The following OXNAD1 variants were observed in gnomAD, a reference collection of about 807,000 sequenced individuals.
The protein encoded by OXNAD1 is oxidoreductase NAD binding domain containing 1.
OXNAD1 carries 34 observed loss-of-function variants against 32.9 expected under a neutral mutation model. The ratio of observed to expected loss-of-function variants is 1.03; its 90% confidence interval spans 0.79 to 1.38. OXNAD1 has a LOEUF of 1.38. Among genes scored for constraint, OXNAD1 ranks in the 40% most tolerant of loss-of-function variants. The pLI is 0.00. For synonymous variants in OXNAD1, 134 were observed against 135.2 expected (o/e 0.99, Z 0.06); for missense variants, 407 against 379.4 (o/e 1.07, Z -0.60).
At chr3:16,351,872 G>T (rs2072127446), downstream of OXNAD1, among the ~76,000 whole-genome samples, 1 of 151,396 alleles carries the variant, frequency 6.6e-6, no homozygotes, top group Non-Finnish European at 1.5e-5. The surrounding 1 kb of genome is among the most constrained non-coding windows in gnomAD (Gnocchi z 5.4). Flanking sequence ...GAGGGGACTA[G>T]AAAGACTAGA....
rs1056504743 is a variant in OXNAD1 at position 16,327,799 on chromosome 3, G to A, written c.*31-9313G>A. ...AAAACGAAAAAAACTTCAGCCCCCT[G>A]CTAGCACAGGGAGAGAGCCCTGATG... On this transcript the variant is annotated intron_variant, in intron 9 of 9. Coordinates refer to the OXNAD1 transcript ENST00000435829. The surrounding 1 kb of genome is among the most constrained non-coding windows in gnomAD (Gnocchi z 4.2). Among the ~76,000 whole-genome samples, 2 of 150,628 alleles carry A rather than the reference G, an allele frequency of 1.3e-5. No individual in the cohort carries two copies. Among genetic ancestry groups the A allele is most frequent in the African/African-American group, 4.9e-5 (2 of 41,040 alleles).
At chr3:16,325,958 A>T (rs1310669862) in intron 9 of OXNAD1, among the ~76,000 whole-genome samples, 1 of 152,236 alleles carries the variant, frequency 6.6e-6, no homozygotes, top group Non-Finnish European at 1.5e-5. Context: ...GGCCTGCTCC[A>T]GGAAAAGTGC....
Position 16,342,797 on chromosome 3 carries a change from G to A in OXNAD1, c.*31-6379G>A, listed in dbSNP as rs1289677691. On this transcript the variant is annotated intron_variant, in intron 9 of 9. Coordinates refer to the OXNAD1 transcript ENST00000606098. The surrounding 1 kb of genome is among the most constrained non-coding windows in gnomAD (Gnocchi z 4.0). ...ATGCATGCCCAGCTTATTCAAGTTG[G>A]AAGGGGTCAGGGTGGACCTCTAGTC... Among the ~76,000 whole-genome samples the A allele has an allele frequency of 1.3e-5, 2 of 152,148 alleles. No homozygotes were observed. The highest frequency in any genetic ancestry group is 2.9e-5 in the Non-Finnish European group (2 of 68,018).
chr3:16,333,676 A>G (rs1306024341), intron 9 of OXNAD1, among the ~76,000 whole-genome samples: 1 of 152,152 alleles, frequency 6.6e-6, no homozygotes, highest in Admixed American at 6.5e-5. Context: ...AACTCATATG[A>G]TATAAAAGAC....
Position 16,290,487 on chromosome 3 carries a change from T to C in OXNAD1, c.290+4039T>C, listed in dbSNP as rs1259024879. On this transcript the variant is annotated intron_variant, in intron 5 of 8. Transcript: ENST00000285083. This position sits in a 1 kb window ranked among gnomAD's most constrained non-coding sequence, Gnocchi z 4.2. ...ACTGAGAGAATGGCCTTCATCAGCA[T>C]TGAGCAGCAGAGGGCACTGTAGTTC... Among the ~76,000 whole-genome samples the C allele has an allele frequency of 3.3e-5, 5 of 152,190 alleles. No individual in the cohort carries two copies. Among genetic ancestry groups the C allele is most frequent in the African/African-American group, 7.2e-5 (3 of 41,436 alleles).
chr3:16,301,800 A>G lies in OXNAD1; in HGVS notation c.607A>G (p.Asn203Asp), dbSNP rs749752716. Reference sequence around the variant, plus strand: ...CCTCAGAGAGCAGGCAAACAAAAGAAATGGATATGAGATAGGAACAATAAA... The same window carrying G: ...CCTCAGAGAGCAGGCAAACAAAAGAGATGGATATGAGATAGGAACAATAAA... ...DLLREQANKR[N>D]GYEIGTIKLF... Residue 203 changes from asparagine to aspartate, a missense_variant, in exon 7 of 9, where the codon AAT (asparagine) becomes GAT (aspartate). Coordinates refer to ENST00000285083, the MANE Select transcript of OXNAD1 (RefSeq NM_138381.5). This position sits in a 1 kb window ranked among gnomAD's most constrained non-coding sequence, Gnocchi z 4.1. 2.5e-6 allele frequency: 4 copies of G among 1,614,120 alleles called. No homozygotes were observed. Among genetic ancestry groups the G allele is most frequent in the South Asian group, 2.2e-5 (2 of 91,086 alleles).
At position 16,314,098 on chromosome 3, in the gene OXNAD1, C is replaced by T. The variant is rs1019902676; in HGVS notation, c.*30+10506C>T. ...TAACCACCTGATCACAGTGGGTTTG[C>T]AGGACTCCCCTGCAAACCCACTGTG... On this transcript the variant is annotated intron_variant, in intron 9 of 9. Transcript: ENST00000435829. This position sits in a 1 kb window ranked among gnomAD's most constrained non-coding sequence, Gnocchi z 4.4. Among the ~76,000 whole-genome samples, 7 of 151,860 alleles carry T rather than the reference C, an allele frequency of 4.6e-5. No individual in the cohort carries two copies. The highest frequency in any genetic ancestry group is 1.7e-4 in the African/African-American group (7 of 41,356).
In OXNAD1 at chr3:16,302,049, G is replaced by A. The variant is rs1380116585; in HGVS notation, c.675+181G>A. Among the ~76,000 whole-genome samples the A allele has an allele frequency of 6.6e-6, 1 of 152,218 alleles. No homozygotes were observed. The highest frequency in any genetic ancestry group is 2.4e-5 in the African/African-American group (1 of 41,458). Reference sequence around the variant, plus strand: ...ACCCAAGACAAGTAAAACTGCTAGTGTTGAAGAGGCTAGCAGTTAGGTGAC... The same window carrying A: ...ACCCAAGACAAGTAAAACTGCTAGTATTGAAGAGGCTAGCAGTTAGGTGAC... On this transcript the variant is annotated intron_variant, in intron 7 of 8. Coordinates refer to ENST00000285083, the MANE Select transcript of OXNAD1 (RefSeq NM_138381.5). This position sits in a 1 kb window ranked among gnomAD's most constrained non-coding sequence, Gnocchi z 4.2.
In OXNAD1 at chr3:16,289,716, C is replaced by T. The variant is rs1261034818; in HGVS notation, c.290+3268C>T. 6.6e-6 allele frequency among the ~76,000 whole-genome samples: 1 copy of T among 152,226 alleles called. No individual in the cohort carries two copies. Among genetic ancestry groups the T allele is most frequent in the Admixed American group, 6.5e-5 (1 of 15,282 alleles). On this transcript the variant is annotated intron_variant, in intron 5 of 8. Transcript: ENST00000285083. The surrounding 1 kb of genome is among the most constrained non-coding windows in gnomAD (Gnocchi z 4.9). ...AACTGTGTCCTCCCCCATTACTCAT[C>T]TGGTAAGCATTGTGTGTCTTTTAAG...
chr3:16,340,071 T>C (rs1050213480), downstream of OXNAD1, among the ~76,000 whole-genome samples: 4 of 152,258 alleles, frequency 2.6e-5, no homozygotes, highest in African/African-American at 9.6e-5. Context: ...GACACAGTCA[T>C]GTACTGGCCA....
rs1033313721 is a variant in OXNAD1 at position 16,336,090 on chromosome 3, G to C, written c.*31-1022G>C. ...TGGAGATCTAGAGGCAGGGTGGACAGGAATGCCAAGACAGAAAGAAGGGCC... is the reference window on the plus strand; with the variant it reads ...TGGAGATCTAGAGGCAGGGTGGACACGAATGCCAAGACAGAAAGAAGGGCC... On this transcript the variant is annotated intron_variant, in intron 9 of 9. Coordinates refer to the OXNAD1 transcript ENST00000435829. The surrounding 1 kb of genome is among the most constrained non-coding windows in gnomAD (Gnocchi z 6.0). Among the ~76,000 whole-genome samples the C allele has an allele frequency of 6.6e-6, 1 of 152,116 alleles. No homozygotes were observed. The highest frequency in any genetic ancestry group is 1.5e-5 in the Non-Finnish European group (1 of 68,012).
chr3:16,338,629 T>C (rs1031191440), downstream of OXNAD1, among the ~76,000 whole-genome samples: 2 of 152,182 alleles, frequency 1.3e-5, no homozygotes, highest in African/African-American at 4.8e-5. The surrounding 1 kb of genome is among the most constrained non-coding windows in gnomAD (Gnocchi z 5.3). Context: ...TCCTACTGGC[T>C]TTGATGAGAG....
chr3:16,304,978 G>A lies in OXNAD1; in HGVS notation c.*1416G>A, dbSNP rs1208156864. ...AGATTTGAATTTGGGGAGGAAGGGA[G>A]GAGCTACTGACCTGATGGGAATATC... On this transcript the variant is annotated 3_prime_UTR_variant, in exon 9 of 9. Coordinates refer to ENST00000285083, the MANE Select transcript of OXNAD1 (RefSeq NM_138381.5). The surrounding 1 kb of genome is among the most constrained non-coding windows in gnomAD (Gnocchi z 4.6). The A allele has an allele frequency of 6.6e-6, 1 of 152,170 alleles. No homozygotes were observed. Among genetic ancestry groups the A allele is most frequent in the African/African-American group, 2.4e-5 (1 of 41,416 alleles). The allele number at this position is 152,170 out of a possible 1,614,324, so 9.4% of individuals were successfully genotyped here. A position where few individuals can be genotyped will look rare whatever the true frequency, so the allele number is the denominator to read the frequency against.
At chr3:16,293,642 C>A (rs1351559515) in intron 5 of OXNAD1, among the ~76,000 whole-genome samples, 1 of 149,278 alleles carries the variant, frequency 6.7e-6, no homozygotes, top group African/African-American at 2.5e-5. Flanking sequence ...GTTCTGATCA[C>A]GTTTTATTTC....
chr3:16,285,694 T>C (rs570407634), intron 4 of OXNAD1, among the ~76,000 whole-genome samples: 1 of 152,290 alleles, frequency 6.6e-6, no homozygotes, highest in South Asian at 2.1e-4. Flanking sequence ...AGGGCTCTTT[T>C]TATTGTTAAG....
intron 1 of OXNAD1, among the ~76,000 whole-genome samples, chr3:16,266,741 CAAGG>C (rs1490831175): frequency 1.3e-5 from 2 of 151,568 alleles, no homozygotes; most frequent in African/African-American, 2.4e-5. Flanking sequence ...GGTTGTTTGA[CAAGG>C]AAGAGAAGGG....
intron 4 of OXNAD1, among the ~76,000 whole-genome samples, chr3:16,278,441 A>ACAG (rs111268191): frequency 5.0e-4 from 76 of 152,300 alleles, no homozygotes; most frequent in African/African-American, 1.6e-3. Flanking sequence ...TTTCTATTTC[A>ACAG]CAGATGAGGG....
rs1025313100 is a variant in OXNAD1 at position 16,284,563 on chromosome 3, G to A, written c.184-1779G>A. On this transcript the variant is annotated intron_variant, in intron 4 of 8. Transcript: ENST00000285083. This position sits in a 1 kb window ranked among gnomAD's most constrained non-coding sequence, Gnocchi z 4.1. ...AAAATAGTAAAAATCTGGTATTATG[G>A]GATCACCTTGTATATGTGCTTTGTC... Among the ~76,000 whole-genome samples, 1 of 152,286 alleles carries A rather than the reference G, an allele frequency of 6.6e-6. No homozygotes were observed. The highest frequency in any genetic ancestry group is 2.1e-4 in the South Asian group (1 of 4,818).
In OXNAD1 at chr3:16,289,469, G is replaced by C. The variant is rs958182209; in HGVS notation, c.290+3021G>C. Among the ~76,000 whole-genome samples the C allele has an allele frequency of 1.3e-5, 2 of 152,166 alleles. No individual in the cohort carries two copies. The highest frequency in any genetic ancestry group is 4.8e-5 in the African/African-American group (2 of 41,432). ...CTTTCTACAAGATAACATAAGTTTA[G>C]ATGCTAGAAAGCAACTTTGAGCCCT... On this transcript the variant is annotated intron_variant, in intron 5 of 8. Transcript: ENST00000285083. This position sits in a 1 kb window ranked among gnomAD's most constrained non-coding sequence, Gnocchi z 4.9.
Sources: allele counts gnomAD v4.1 joint callset (sites outside exome capture counted in the v4.1 genomes callset), GRCh38; gene constraint gnomAD v4.1.1; non-coding constraint Gnocchi (gnomAD v3.1); transcripts MANE v1.5; gene names NCBI Gene and HGNC (gene_info 2026-07-23, HGNC 2026-07-21).